AGPAT5: variants seen among roughly 807,000 people sequenced by gnomAD.
AGPAT5 encodes 1-acylglycerol-3-phosphate O-acyltransferase 5, also known as 1-acyl-sn-glycerol-3-phosphate acyltransferase epsilon.
In AGPAT5, 46 loss-of-function variants were observed where a neutral mutation model predicts 45.6. The observed-to-expected ratio is 1.01, with a 90% CI of 0.80 to 1.29. AGPAT5 has a LOEUF of 1.29. AGPAT5 is among the 50% of genes most tolerant of loss of function. The pLI is 0.00. For synonymous variants in AGPAT5, 272 were observed against 167.0 expected (o/e 1.63, Z -4.85); for missense variants, 673 against 450.7 (o/e 1.49, Z -4.47).
At position 6,732,581 on chromosome 8, in the gene AGPAT5, G is replaced by A. The variant is rs1800898935; in HGVS notation, c.426G>A (p.Lys142=). Residue 142 remains lysine, a synonymous_variant, in exon 4 of 8, where the codon AAG becomes AAA. Transcript: ENST00000285518. ...GGCAGCATGGAGGAATCTATGTAAA[G>A]CGCAGTGCCAAATTTAACGAGAAAG... ...YFAQHGGIYV[K]RSAKFNEKEM... 6 of 1,609,774 alleles carry A rather than the reference G, an allele frequency of 3.7e-6. No individual in the cohort carries two copies. Among genetic ancestry groups the A allele is most frequent in the Non-Finnish European group, 5.1e-6 (6 of 1,178,976 alleles).
chr8:6,731,575 G>C (rs771984322), intron 3 of AGPAT5, among the ~76,000 whole-genome samples: 1 of 151,060 alleles, frequency 6.6e-6, no homozygotes, highest in African/African-American at 2.4e-5. Flanking sequence ...TCTGTGATTT[G>C]TTGAATCTGC....
intron 5 of AGPAT5, 117 bp downstream of exon 5, chr8:6,741,868 C>A: frequency 1.4e-6 from 1 of 733,076 alleles, no homozygotes; most frequent in South Asian, 1.8e-5. Flanking sequence ...GTATTCATTC[C>A]TTGAATTAGT....
chr8:6,744,204 T>C lies in AGPAT5; in HGVS notation c.586+2453T>C, dbSNP rs553292258. On this transcript the variant is annotated intron_variant, in intron 5 of 7. Transcript: ENST00000285518. ...GGGCATGAATAAGAAATTCAAGAGATACAAATGACCCACACACTTGAACAA... is the reference window on the plus strand; with the variant it reads ...GGGCATGAATAAGAAATTCAAGAGACACAAATGACCCACACACTTGAACAA... Among the ~76,000 whole-genome samples the C allele has an allele frequency of 3.3e-5, 5 of 152,290 alleles. No individual in the cohort carries two copies. The South Asian group carries it at 1.0e-3, about 32-fold the overall frequency.
At position 6,755,262 on chromosome 8, in the gene AGPAT5, A is replaced by G. The variant is rs543620323; in HGVS notation, c.869+88A>G. ...CAATTTGAAACCAATGTAAATGGTT[A>G]TATTGTCTCAAGAATACATTTTATA... is the stretch of plus-strand genomic sequence containing the variant. On this transcript the variant is annotated intron_variant, in intron 7 of 7. Coordinates refer to ENST00000285518, the MANE Select transcript of AGPAT5 (RefSeq NM_018361.5). 69 of 1,309,500 alleles carry G rather than the reference A, an allele frequency of 5.3e-5. 2 individuals are homozygous for G. The South Asian group carries it at 9.2e-4, about 17-fold the overall frequency. 81.1% of individuals were successfully genotyped at this position (1,309,500 alleles called of 1,614,324 possible).
chr8:6,744,493 G>A (rs1801360343), intron 5 of AGPAT5, among the ~76,000 whole-genome samples: 1 of 152,208 alleles, frequency 6.6e-6, no homozygotes, highest in South Asian at 2.1e-4. Flanking sequence ...GGTGTTGGCA[G>A]GGCTGCAGTC....
chr8:6,733,709 T>C (rs1800945495), intron 4 of AGPAT5, among the ~76,000 whole-genome samples: 3 of 152,142 alleles, frequency 2.0e-5, no homozygotes, highest in African/African-American at 4.8e-5. Flanking sequence ...TTATCGACTT[T>C]TTACAAAAAA....
intron 1 of AGPAT5, among the ~76,000 whole-genome samples, chr8:6,714,860 A>G (rs1310197149): frequency 6.6e-6 from 1 of 152,154 alleles, no homozygotes; most frequent in Non-Finnish European, 1.5e-5. Flanking sequence ...TACCTAGTTT[A>G]CTTTCCCTCT....
intron 1 of AGPAT5, among the ~76,000 whole-genome samples, chr8:6,715,726 A>T (rs1464649355): frequency 6.6e-6 from 1 of 152,206 alleles, no homozygotes; most frequent in African/African-American, 2.4e-5. Flanking sequence ...GCCAATTACA[A>T]TATAGGATAA....
rs888770780 is a variant in AGPAT5 at position 6,761,026 on chromosome 8, A to C, written c.*3638A>C. The stretch of plus-strand genomic sequence containing the variant: ...CAATTTGTGTATGAAAAGTAAATCT[A>C]TTCCTGTAGCAACTGGGGAGTCATA... On this transcript the variant is annotated 3_prime_UTR_variant, in exon 8 of 8. Coordinates refer to ENST00000285518, the MANE Select transcript of AGPAT5 (RefSeq NM_018361.5). 6.6e-6 allele frequency among the ~76,000 whole-genome samples: 1 copy of C among 152,220 alleles called. No individual in the cohort carries two copies. Among genetic ancestry groups the C allele is most frequent in the African/African-American group, 2.4e-5 (1 of 41,458 alleles).
intron 1 of AGPAT5, among the ~76,000 whole-genome samples, chr8:6,717,811 G>A (rs1030274408): frequency 1.9e-4 from 29 of 151,076 alleles, no homozygotes; most frequent in African/African-American, 6.7e-4. Context: ...TTGTAATTCC[G>A]TAGTTGATAT....
At chr8:6,724,247 G>A (rs1241069545) in intron 1 of AGPAT5, among the ~76,000 whole-genome samples, 2 of 152,056 alleles carry the variant, frequency 1.3e-5, no homozygotes, top group Non-Finnish European at 2.9e-5. Context: ...CACCCTTCTG[G>A]TCTCCTTGCT....
intron 2 of AGPAT5, 112 bp downstream of exon 2, chr8:6,725,051 G>A (rs1320568288): frequency 2.9e-6 from 1 of 349,100 alleles, no homozygotes; most frequent in Non-Finnish European, 5.3e-6. Flanking sequence ...GCAATTTTCT[G>A]TGCAGATATT....
rs187682492 is a variant in AGPAT5, at chr8:6,747,770, G to A, written c.687G>A (p.Thr229=). The stretch of plus-strand genomic sequence containing the variant: ...ATTTAGATGCAATTTATGATGTTAC[G>A]GTGGTTTATGAAGGGAAAGACGATG... The part of the protein sequence containing the change: ...KNYLDAIYDV[T]VVYEGKDDGG... The change falls in exon 6 of 8, where the codon ACG becomes ACA. Residue 229 remains threonine, a synonymous_variant. Transcript: ENST00000285518. 110 of 1,614,160 alleles carry A rather than the reference G, an allele frequency of 6.8e-5. No individual in the cohort carries two copies. The highest frequency in any genetic ancestry group is 6.4e-5 in the Non-Finnish European group (76 of 1,180,020).
chr8:6,731,528 T>C (rs917552498), intron 3 of AGPAT5, among the ~76,000 whole-genome samples: 38 of 152,262 alleles, frequency 2.5e-4, no homozygotes, highest in African/African-American at 8.7e-4. Flanking sequence ...TTAATTGTTA[T>C]ATTATTTTTA....
chr8:6,739,045 A>G (rs1801149945), intron 4 of AGPAT5, among the ~76,000 whole-genome samples: 1 of 152,124 alleles, frequency 6.6e-6, no homozygotes, highest in South Asian at 2.1e-4. Context: ...AACCATCACT[A>G]TAGAAAAGAT....
intron 5 of AGPAT5, among the ~76,000 whole-genome samples, chr8:6,747,420 C>T (rs1322437601): frequency 6.6e-6 from 1 of 152,306 alleles, no homozygotes; most frequent in East Asian, 1.9e-4. Flanking sequence ...TTCCGCTAGG[C>T]CATAAACTTC....
chr8:6,734,587 G>C (rs527511219), intron 4 of AGPAT5, among the ~76,000 whole-genome samples: 1 of 152,166 alleles, frequency 6.6e-6, no homozygotes, highest in African/African-American at 2.4e-5. Context: ...CAACATCTGG[G>C]CCATATCTGA....
At chr8:6,756,179 GA>G (rs1015432488) in intron 7 of AGPAT5, among the ~76,000 whole-genome samples, 4 of 152,112 alleles carry the variant, frequency 2.6e-5, no homozygotes, top group African/African-American at 9.7e-5. Context: ...TGTAATATGG[GA>G]AAATGAGTTA....
In AGPAT5 at chr8:6,761,147, C is replaced by G. The variant is rs1361981343; in HGVS notation, c.*3759C>G. ...GGGGAAAAGGTTATTTTTAGGAAAACCACTTCAAATAGAAAGCTGAAGTAC... is the reference window on the plus strand; with the variant it reads ...GGGGAAAAGGTTATTTTTAGGAAAAGCACTTCAAATAGAAAGCTGAAGTAC... On this transcript the variant is annotated 3_prime_UTR_variant, in exon 8 of 8. Coordinates refer to ENST00000285518, the MANE Select transcript of AGPAT5 (RefSeq NM_018361.5). Among the ~76,000 whole-genome samples, 1 of 152,118 alleles carries G rather than the reference C, an allele frequency of 6.6e-6. No individual in the cohort carries two copies. Among genetic ancestry groups the G allele is most frequent in the Admixed American group, 6.5e-5 (1 of 15,274 alleles).
Sources: gnomAD v4.1 joint callset for allele counts (sites outside exome capture counted in the v4.1 genomes callset) on GRCh38, gnomAD v4.1.1 for gene constraint, MANE v1.5 for transcripts, NCBI Gene and HGNC (gene_info 2026-07-23, HGNC 2026-07-21) for gene names.